GAS2: variants seen among roughly 807,000 people sequenced by gnomAD.
GAS2 encodes growth arrest-specific protein 2.
A neutral mutation model predicts 37.5 loss-of-function variants in GAS2; 20 were observed. The observed-to-expected ratio is 0.53, with a 90% CI of 0.37 to 0.77. GAS2 has a LOEUF of 0.77. GAS2 is among the 30% of genes least tolerant of loss of function. The pLI, the probability that GAS2 is intolerant of heterozygous loss-of-function variation, is 0.00. For synonymous variants in GAS2, 144 were observed against 132.2 expected (o/e 1.09, Z -0.61); for missense variants, 336 against 373.4 (o/e 0.90, Z 0.82).
intron 1 of GAS2, among the ~76,000 whole-genome samples, chr11:22,627,123 TCTTA>T (rs1858672316): frequency 6.6e-6 from 1 of 152,222 alleles, no homozygotes; most frequent in Non-Finnish European, 1.5e-5. Flanking sequence ...TATCTCAAAC[TCTTA>T]CTTGGTCCTG....
intron 3 of GAS2, among the ~76,000 whole-genome samples, chr11:22,709,409 A>T (rs1435802739): frequency 6.6e-6 from 1 of 152,174 alleles, no homozygotes; most frequent in African/African-American, 2.4e-5. Flanking sequence ...AAAAAAAATT[A>T]AATTAATTGA....
At chr11:22,756,214 T>C (rs1352560898) in intron 7 of GAS2, among the ~76,000 whole-genome samples, 1 of 152,026 alleles carries the variant, frequency 6.6e-6, no homozygotes, top group Admixed American at 6.6e-5. Context: ...TTTCCACTTG[T>C]GTTATGTTTT....
chr11:22,727,796 G>C (rs562299933), intron 4 of GAS2, among the ~76,000 whole-genome samples: 6 of 151,948 alleles, frequency 3.9e-5, no homozygotes, highest in Non-Finnish European at 8.8e-5. Flanking sequence ...TTTCAGTCCT[G>C]TGGTTAATTT....
chr11:22,734,870 C>T (rs1479717801), intron 4 of GAS2, among the ~76,000 whole-genome samples: 1 of 151,720 alleles, frequency 6.6e-6, no homozygotes, highest in Non-Finnish European at 1.5e-5. Flanking sequence ...TTAGTTTAGA[C>T]CTTGCTCTAG....
intron 3 of GAS2, among the ~76,000 whole-genome samples, chr11:22,715,516 A>G (rs1417391975): frequency 2.0e-5 from 3 of 151,086 alleles, no homozygotes; most frequent in Non-Finnish European, 4.4e-5. Flanking sequence ...AACAAGAGAT[A>G]TTACATTCGA....
intron 3 of GAS2, among the ~76,000 whole-genome samples, chr11:22,709,648 A>T (rs1303519631): frequency 6.6e-6 from 1 of 152,182 alleles, no homozygotes; most frequent in Non-Finnish European, 1.5e-5. Context: ...TGACCCAGCC[A>T]TCCCATTACT....
In GAS2 at chr11:22,639,500, C is replaced by G. The variant is rs1199225647; in HGVS notation, c.-21+13687C>G. On this transcript the variant is annotated intron_variant, in intron 1 of 5. Coordinates refer to the GAS2 transcript ENST00000528582. ...GCAGAAAATGGACTGAAACATAGAT[C>G]TTAGTGGTATTTACTTGTAAAATCA... Among the ~76,000 whole-genome samples, 7 of 152,064 alleles carry G rather than the reference C, an allele frequency of 4.6e-5. No individual in the cohort carries two copies. The East Asian group carries it at 1.2e-3, about 25-fold the overall frequency.
chr11:22,633,241 T>C (rs935145349), intron 1 of GAS2, among the ~76,000 whole-genome samples: 5 of 152,228 alleles, frequency 3.3e-5, no homozygotes, highest in African/African-American at 1.2e-4. Context: ...TTTCAATTTC[T>C]GTTTTTCCCT....
intron 7 of GAS2, among the ~76,000 whole-genome samples, chr11:22,796,536 T>C (rs962564003): frequency 1.3e-5 from 2 of 152,188 alleles, no homozygotes; most frequent in African/African-American, 4.8e-5. Context: ...AGGAGGCCCA[T>C]ATTTTCAAAT....
At chr11:22,798,350 T>A (rs1357234108) in intron 7 of GAS2, among the ~76,000 whole-genome samples, 1 of 151,980 alleles carries the variant, frequency 6.6e-6, no homozygotes, top group African/African-American at 2.4e-5. Flanking sequence ...TTTGAACAAC[T>A]ATGGGAGGAA....
chr11:22,712,901 A>G (rs1451110812), intron 3 of GAS2, among the ~76,000 whole-genome samples: 2 of 151,934 alleles, frequency 1.3e-5, no homozygotes, highest in East Asian at 3.9e-4. Flanking sequence ...ACATGATGAA[A>G]ACCCATATCT....
intron 1 of GAS2, among the ~76,000 whole-genome samples, chr11:22,632,906 G>A (rs1201901395): frequency 6.6e-6 from 1 of 151,008 alleles, no homozygotes; most frequent in Non-Finnish European, 1.5e-5. Context: ...CCAGAGTTCT[G>A]ATTTTTTTTT....
intron 1 of GAS2, among the ~76,000 whole-genome samples, chr11:22,655,063 C>T (rs892615251): frequency 5.3e-5 from 8 of 152,128 alleles, no homozygotes; most frequent in African/African-American, 1.9e-4. Context: ...TGATCAGAGC[C>T]TCCTCTCTCT....
intron 4 of GAS2, among the ~76,000 whole-genome samples, chr11:22,737,437 G>T (rs1852814293): frequency 6.6e-6 from 1 of 152,156 alleles, no homozygotes; most frequent in African/African-American, 2.4e-5. Flanking sequence ...TTTAGGGTGA[G>T]ATTTCCTGAG....
intron 1 of GAS2, among the ~76,000 whole-genome samples, chr11:22,651,310 C>A (rs2041186245): frequency 1.3e-5 from 2 of 152,292 alleles, no homozygotes; most frequent in Admixed American, 1.3e-4. Context: ...ATGGGCTTCC[C>A]TTTGTGGGTA....
chr11:22,776,559 G>A (rs1191039434), intron 7 of GAS2, among the ~76,000 whole-genome samples: 1 of 152,150 alleles, frequency 6.6e-6, no homozygotes, highest in Non-Finnish European at 1.5e-5. Flanking sequence ...AGTGATTAAA[G>A]AGCAAGTTGT....
intron 7 of GAS2, among the ~76,000 whole-genome samples, chr11:22,777,998 A>G (rs1855350515): frequency 6.6e-6 from 1 of 152,196 alleles, no homozygotes; most frequent in African/African-American, 2.4e-5. Context: ...GAACAATGTT[A>G]GTGGTATTTT....
chr11:22,652,393 C>T (rs1848789445), intron 1 of GAS2, among the ~76,000 whole-genome samples: 1 of 152,194 alleles, frequency 6.6e-6, no homozygotes, highest in African/African-American at 2.4e-5. Flanking sequence ...TGCCCTGCCC[C>T]CAGAGGTGGA....
chr11:22,683,672 T>C (rs987016879), intron 2 of GAS2, among the ~76,000 whole-genome samples: 1 of 152,154 alleles, frequency 6.6e-6, no homozygotes, highest in Non-Finnish European at 1.5e-5. Flanking sequence ...TTTCTTTTTT[T>C]TTTTTTGCTT....
Sources: gnomAD v4.1 joint callset for allele counts (sites outside exome capture counted in the v4.1 genomes callset) on GRCh38, gnomAD v4.1.1 for gene constraint, MANE v1.5 for transcripts, NCBI Gene and HGNC (gene_info 2026-07-23, HGNC 2026-07-21) for gene names.